Variants in ADAMTS12 observed in about 807,000 individuals in gnomAD.
The protein encoded by ADAMTS12 is ADAM metallopeptidase with thrombospondin type 1 motif 12, also known as A disintegrin and metalloproteinase with thrombospondin motifs 12.
ADAMTS12 carries 118 observed loss-of-function variants against 167.8 expected under a neutral mutation model. The ratio of observed to expected loss-of-function variants is 0.70; its 90% CI spans 0.61 to 0.82. The LOEUF is 0.82. ADAMTS12 is among the 40% of genes least tolerant of loss of function. The pLI, the probability that ADAMTS12 is intolerant of heterozygous loss-of-function variation, is 0.00. For missense variants in ADAMTS12, 1,916 were observed against 1,998.8 expected (o/e 0.96, Z 0.79); for synonymous variants, 704 against 716.9 (o/e 0.98, Z 0.29).
At chr5:33,735,732 G>A (rs1034263049) in intron 3 of ADAMTS12, among the ~76,000 whole-genome samples, 2 of 152,150 alleles carry the variant, frequency 1.3e-5, no homozygotes, top group African/African-American at 4.8e-5. Context: ...TGCTGGAAAG[G>A]TCAATGAATG....
intron 19 of ADAMTS12, among the ~76,000 whole-genome samples, chr5:33,566,016 G>T (rs981776294): frequency 2.0e-5 from 3 of 152,084 alleles, no homozygotes; most frequent in East Asian, 1.9e-4. Flanking sequence ...AAGTGAAGAG[G>T]ATGGGGAAAA....
chr5:33,715,172 C>T (rs948610831), intron 3 of ADAMTS12, among the ~76,000 whole-genome samples: 1 of 151,694 alleles, frequency 6.6e-6, no homozygotes, highest in Admixed American at 6.6e-5. Context: ...TAATTCCAGG[C>T]AGGAATGTCA....
intron 3 of ADAMTS12, among the ~76,000 whole-genome samples, chr5:33,739,440 C>T (rs1391077313): frequency 1.3e-5 from 2 of 151,810 alleles, no homozygotes; most frequent in Admixed American, 6.6e-5. Context: ...TAACCAAATA[C>T]CACATTTCAG....
At chr5:33,654,201 T>C (rs188706757) in intron 7 of ADAMTS12, among the ~76,000 whole-genome samples, 7 of 152,296 alleles carry the variant, frequency 4.6e-5, no homozygotes, top group Admixed American at 1.3e-4. Context: ...TATTTTTTCA[T>C]TTGTTTAAAG....
chr5:33,567,105 C>G (rs1466542635), intron 19 of ADAMTS12, among the ~76,000 whole-genome samples: 4 of 152,156 alleles, frequency 2.6e-5, no homozygotes, highest in Non-Finnish European at 1.5e-5. Flanking sequence ...GTTACAGAAG[C>G]CTAGCCTTCC....
intron 13 of ADAMTS12, among the ~76,000 whole-genome samples, chr5:33,627,084 G>A (rs1474118027): frequency 6.6e-6 from 1 of 150,638 alleles, no homozygotes; most frequent in Non-Finnish European, 1.5e-5. Flanking sequence ...GATGGTGGTG[G>A]TAGTGGTGGT....
chr5:33,582,128 G>A (rs1747095144), intron 18 of ADAMTS12, among the ~76,000 whole-genome samples: 1 of 152,022 alleles, frequency 6.6e-6, no homozygotes, highest in South Asian at 2.1e-4. Flanking sequence ...CGGGAGCTAA[G>A]ATAATAAAAA....
At chr5:33,607,294 T>A (rs1738496695) in intron 16 of ADAMTS12, among the ~76,000 whole-genome samples, 1 of 152,106 alleles carries the variant, frequency 6.6e-6, no homozygotes, top group Admixed American at 6.6e-5. Flanking sequence ...ATAAAAATGT[T>A]CTCATTACTG....
At chr5:33,570,463 T>C (rs1746267198) in intron 19 of ADAMTS12, among the ~76,000 whole-genome samples, 1 of 152,072 alleles carries the variant, frequency 6.6e-6, no homozygotes, top group African/African-American at 2.4e-5. Context: ...AAGAAAAGAA[T>C]TTTCAACCCA....
At chr5:33,656,696 C>T (rs1489964002) in intron 7 of ADAMTS12, among the ~76,000 whole-genome samples, 1 of 152,294 alleles carries the variant, frequency 6.6e-6, no homozygotes, top group African/African-American at 2.4e-5. Flanking sequence ...CATTGTTTGG[C>T]CAGCAGGTAC....
chr5:33,669,142 CAAATAA>C lies in ADAMTS12; in HGVS notation c.916-7108_916-7103del, dbSNP rs370327659. The stretch of plus-strand genomic sequence containing the variant: ...TAGTTAGTGGACATAAACTTTCGAA[CAAATAA>C]AATTGAACATGTCTATGTTCAGCAA... On this transcript the variant is annotated intron_variant, in intron 5 of 23. Coordinates refer to ENST00000504830, the MANE Select transcript of ADAMTS12 (RefSeq NM_030955.4). Among the ~76,000 whole-genome samples, 402 of 152,204 alleles carry C rather than the reference CAAATAA, an allele frequency of 2.6e-3. 3 individuals carry two copies. Among genetic ancestry groups the C allele is most frequent in the African/African-American group, 9.3e-3 (387 of 41,528 alleles).
At chr5:33,570,328 G>A (rs929908172) in intron 19 of ADAMTS12, among the ~76,000 whole-genome samples, 1 of 152,192 alleles carries the variant, frequency 6.6e-6, no homozygotes, top group African/African-American at 2.4e-5. Context: ...AGGAAAAAAT[G>A]TTAAGGGGAG....
chr5:33,613,245 G>C (rs564697183), intron 16 of ADAMTS12, among the ~76,000 whole-genome samples: 1 of 152,368 alleles, frequency 6.6e-6, no homozygotes, highest in Non-Finnish European at 1.5e-5. Flanking sequence ...ACCCAAAGGA[G>C]AAAGAGAGGT....
intron 9 of ADAMTS12, among the ~76,000 whole-genome samples, chr5:33,644,832 G>A (rs1249901203): frequency 1.3e-5 from 2 of 151,708 alleles, no homozygotes; most frequent in Non-Finnish European, 2.9e-5. Context: ...CTGGGTTCAC[G>A]CCATTCTCCT....
chr5:33,523,934 AGAAAG>A lies in ADAMTS12; in HGVS notation c.*3249_*3253del. 1 of 152,334 alleles carries A rather than the reference AGAAAG, an allele frequency of 6.6e-6. No homozygotes were observed. Among genetic ancestry groups the A allele is most frequent in the African/African-American group, 2.4e-5 (1 of 41,570 alleles). The allele number at this position is 152,334 out of a possible 1,614,324, so 9.4% of individuals were successfully genotyped here. A position where few individuals can be genotyped will look rare whatever the true frequency, so the allele number is the denominator to read the frequency against. On this transcript the variant is annotated 3_prime_UTR_variant, in exon 24 of 24. Transcript: ENST00000504830. ...CGTCCCAAAGATTCATCTTGAAGTCAGAAAGGAGAAGAGCTAAGACCTGCACTCTC... is the reference window on the plus strand; with the variant it reads ...CGTCCCAAAGATTCATCTTGAAGTCAGAGAAGAGCTAAGACCTGCACTCTC...
chr5:33,546,805 C>T (rs1016332508), intron 21 of ADAMTS12, among the ~76,000 whole-genome samples: 1 of 152,136 alleles, frequency 6.6e-6, no homozygotes, highest in African/African-American at 2.4e-5. Flanking sequence ...ATTTGCATGA[C>T]TTTTTAAGGA....
In ADAMTS12 at chr5:33,694,321, T is replaced by C. The variant is rs574022549; in HGVS notation, c.635-10266A>G. Among the ~76,000 whole-genome samples, 301 of 152,314 alleles carry C rather than the reference T, an allele frequency of 2.0e-3. 1 individual carries two copies. The highest frequency in any genetic ancestry group is 3.1e-3 in the Non-Finnish European group (210 of 68,010). On this transcript the variant is annotated intron_variant, in intron 3 of 23. Coordinates refer to ENST00000504830, the MANE Select transcript of ADAMTS12 (RefSeq NM_030955.4). ...AAACTAAGGGCTATTCTCTCAACCA[T>C]CTAAATTGTTCCTCTAGTAAGAGCA...
intron 2 of ADAMTS12, among the ~76,000 whole-genome samples, chr5:33,860,794 G>T (rs552578089): frequency 1.3e-5 from 2 of 152,136 alleles, no homozygotes; most frequent in African/African-American, 4.8e-5. Context: ...GAAAGGTCCG[G>T]TTACCCACAA....
At chr5:33,850,698 T>C (rs1392497311) in intron 2 of ADAMTS12, among the ~76,000 whole-genome samples, 1 of 152,174 alleles carries the variant, frequency 6.6e-6, no homozygotes, top group African/African-American at 2.4e-5. Context: ...TTCATATTTT[T>C]TGACTGTTTA....
Sources: gnomAD v4.1 joint callset for allele counts (sites outside exome capture counted in the v4.1 genomes callset) on GRCh38, gnomAD v4.1.1 for gene constraint, MANE v1.5 for transcripts, NCBI Gene and HGNC (gene_info 2026-07-23, HGNC 2026-07-21) for gene names.